The following KCNH8 variants were observed in gnomAD, a reference collection of about 807,000 sequenced individuals.
The protein encoded by KCNH8 is potassium voltage-gated channel subfamily H member 8.
KCNH8 carries 70 observed loss-of-function variants against 103.6 expected under a neutral mutation model. The ratio of observed to expected loss-of-function variants is 0.68; its 90% confidence interval spans 0.56 to 0.82. The LOEUF is 0.82. KCNH8 is among the 40% of genes least tolerant of loss of function. KCNH8 has a pLI of 0.00. For missense variants in KCNH8, 1,217 were observed against 1,329.9 expected (o/e 0.92, Z 1.32); for synonymous variants, 498 against 489.4 (o/e 1.02, Z -0.23).
In KCNH8 at chr3:19,347,958, T is replaced by C; in HGVS notation, c.804T>C (p.Phe268=). The change falls in exon 5 of 16, where the codon TTT becomes TTC. Residue 268 remains phenylalanine (F), a synonymous_variant. Coordinates refer to ENST00000328405, the MANE Select transcript of KCNH8 (RefSeq NM_144633.3). ...GTGACATTGCAGTGGAGATTCTTTTTATTATAGGTAAGAACAAACAGCTGC... is the reference window on the plus strand; with the variant it reads ...GTGACATTGCAGTGGAGATTCTTTTCATTATAGGTAAGAACAAACAGCTGC... ...TVSDIAVEIL[F]IIDIILNFRT... The C allele has an allele frequency of 6.2e-7, 1 of 1,612,714 alleles. No individual in the cohort carries two copies. Among genetic ancestry groups the C allele is most frequent in the Non-Finnish European group, 8.5e-7 (1 of 1,179,134 alleles).
Position 19,510,402 on chromosome 3 carries a change from G to C in KCNH8, c.2079+1G>C. Reference sequence around the variant, plus strand: ...ATCAAACAAATCTATGGTCTCACAGGTATGGCTTTTGCTACACAGCAAAAT... The same window carrying C: ...ATCAAACAAATCTATGGTCTCACAGCTATGGCTTTTGCTACACAGCAAAAT... On this transcript the variant is annotated splice_donor_variant, in intron 12 of 15. Coordinates refer to ENST00000328405, the MANE Select transcript of KCNH8 (RefSeq NM_144633.3). LOFTEE classifies it high-confidence loss of function. 1.9e-6 allele frequency: 3 copies of C among 1,566,806 alleles called. No homozygotes were observed. Among genetic ancestry groups the C allele is most frequent in the Non-Finnish European group, 2.6e-6 (3 of 1,137,252 alleles).
intron 1 of KCNH8, among the ~76,000 whole-genome samples, chr3:19,186,552 G>T (rs914775116): frequency 6.6e-6 from 1 of 151,972 alleles, no homozygotes; most frequent in Non-Finnish European, 1.5e-5. Context: ...AGAGGTGGAG[G>T]CAGGGAGAAT....
intron 2 of KCNH8, among the ~76,000 whole-genome samples, chr3:19,263,674 T>G (rs555764724): frequency 1.2e-3 from 177 of 152,174 alleles, no homozygotes; most frequent in Middle Eastern, 3.4e-3. Context: ...TCTAGGAGAT[T>G]ACATAGCATA....
chr3:19,513,424 AT>A lies in KCNH8; in HGVS notation c.2435+101del, dbSNP rs1467483529. 38 of 1,438,840 alleles carry A rather than the reference AT, an allele frequency of 2.6e-5. No individual in the cohort carries two copies. In the Admixed American group the frequency reaches 8.9e-4, roughly 34 times the overall value. 89.1% of individuals were successfully genotyped at this position (1,438,840 alleles called of 1,614,324 possible). On this transcript the variant is annotated intron_variant, in intron 13 of 15. Transcript: ENST00000328405. ...CCTTCTGAGCCTTTCTACTCCACAGATTCCTAGCCTGGAATCCTCAGCTTTT... is the reference window on the plus strand; with the variant it reads ...CCTTCTGAGCCTTTCTACTCCACAGATCCTAGCCTGGAATCCTCAGCTTTT...
intron 1 of KCNH8, among the ~76,000 whole-genome samples, chr3:19,156,987 A>ATTTTTT (rs1559400834): frequency 6.8e-6 from 1 of 147,140 alleles, no homozygotes; most frequent in Admixed American, 6.7e-5. Context: ...TTTTTTAAAA[A>ATTTTTT]AAAGGTTTTC....
At chr3:19,346,752 A>G (rs1055106620) in intron 4 of KCNH8, 1 of 451,878 alleles carries the variant, frequency 2.2e-6, no homozygotes. Flanking sequence ...GTATTCGGGA[A>G]TTTATAACTG....
At chr3:19,260,983 T>C (rs1220491815) in intron 2 of KCNH8, among the ~76,000 whole-genome samples, 1 of 147,160 alleles carries the variant, frequency 6.8e-6, no homozygotes, top group African/African-American at 2.5e-5. Context: ...TATATATATA[T>C]ATATATATAT....
At chr3:19,518,713 A>G (rs749570878) in intron 15 of KCNH8, among the ~76,000 whole-genome samples, 1 of 151,992 alleles carries the variant, frequency 6.6e-6, no homozygotes, top group Non-Finnish European at 1.5e-5. Flanking sequence ...CCCCAGTAAG[A>G]TCTCTTATAC....
intron 5 of KCNH8, among the ~76,000 whole-genome samples, chr3:19,372,318 G>A (rs567277413): frequency 2.6e-4 from 40 of 151,248 alleles, no homozygotes; most frequent in African/African-American, 8.0e-4. Context: ...TCCTTGAAGA[G>A]GTCCTTCACA....
chr3:19,377,507 C>T (rs1026055825), intron 5 of KCNH8, among the ~76,000 whole-genome samples: 1 of 152,162 alleles, frequency 6.6e-6, no homozygotes, highest in African/African-American at 2.4e-5. Flanking sequence ...CTGGTTTTTC[C>T]TGAAGTTCAA....
chr3:19,498,893 G>C (rs970380908), intron 11 of KCNH8, among the ~76,000 whole-genome samples: 4 of 152,230 alleles, frequency 2.6e-5, no homozygotes, highest in Admixed American at 2.6e-4. Flanking sequence ...TAGGCTGCTT[G>C]GGGGTCAGGG....
At chr3:19,531,785 A>C (rs987286070) in intron 15 of KCNH8, among the ~76,000 whole-genome samples, 3 of 152,234 alleles carry the variant, frequency 2.0e-5, no homozygotes, top group African/African-American at 7.2e-5. Context: ...TGTCTGCCCA[A>C]AACAGCAGTC....
chr3:19,522,430 A>C (rs1323803471), intron 15 of KCNH8, among the ~76,000 whole-genome samples: 1 of 151,756 alleles, frequency 6.6e-6, no homozygotes, highest in Non-Finnish European at 1.5e-5. Context: ...CCAATGTTTT[A>C]GCTCAAACAG....
At chr3:19,413,940 G>C (rs560808758) in intron 7 of KCNH8, among the ~76,000 whole-genome samples, 1 of 152,198 alleles carries the variant, frequency 6.6e-6, no homozygotes, top group East Asian at 1.9e-4. Flanking sequence ...CCATTGATAT[G>C]TTGTAAGAAA....
At chr3:19,298,475 T>A (rs1354856952) in intron 3 of KCNH8, among the ~76,000 whole-genome samples, 2 of 152,196 alleles carry the variant, frequency 1.3e-5, no homozygotes, top group Non-Finnish European at 2.9e-5. Flanking sequence ...TGGGTTACAG[T>A]TGAGTTATCA....
chr3:19,499,440 C>T (rs1406906742), intron 11 of KCNH8, among the ~76,000 whole-genome samples: 9 of 152,210 alleles, frequency 5.9e-5, no homozygotes, highest in East Asian at 1.9e-4. Flanking sequence ...ATACAGAGAA[C>T]ACCACAAAGA....
chr3:19,394,284 C>T (rs1278371165), intron 6 of KCNH8, among the ~76,000 whole-genome samples: 1 of 151,974 alleles, frequency 6.6e-6, no homozygotes, highest in Non-Finnish European at 1.5e-5. Flanking sequence ...GTTATGTGCA[C>T]CCCTTATTAA....
chr3:19,178,311 C>A (rs930188127), intron 1 of KCNH8, among the ~76,000 whole-genome samples: 2 of 151,972 alleles, frequency 1.3e-5, no homozygotes, highest in East Asian at 1.9e-4. Flanking sequence ...TAATAAAGGG[C>A]TAGTGGTCTC....
At chr3:19,518,739 T>C (rs553574985) in intron 15 of KCNH8, among the ~76,000 whole-genome samples, 1 of 152,176 alleles carries the variant, frequency 6.6e-6, no homozygotes, top group East Asian at 1.9e-4. Flanking sequence ...TTACAGTTAA[T>C]CTCTATTCTT....
Sources: gnomAD v4.1 joint callset for allele counts (sites outside exome capture counted in the v4.1 genomes callset) on GRCh38, gnomAD v4.1.1 for gene constraint, MANE v1.5 for transcripts, NCBI Gene and HGNC (gene_info 2026-07-23, HGNC 2026-07-21) for gene names.